PLOD2: variants seen among roughly 807,000 people sequenced by gnomAD.
PLOD2 encodes procollagen-lysine,2-oxoglutarate 5-dioxygenase 2, also known as lysine hydroxylase 2.
In PLOD2, 65 loss-of-function variants were observed where a neutral mutation model predicts 101.0. The observed-to-expected ratio is 0.64, with a 90% CI of 0.53 to 0.79. PLOD2 has a LOEUF of 0.79. Among genes scored for constraint, PLOD2 ranks in the 30% least tolerant of loss-of-function variants. The pLI, the probability that PLOD2 is intolerant of heterozygous loss-of-function variation, is 0.00. For synonymous variants in PLOD2, 314 were observed against 302.9 expected (o/e 1.04, Z -0.38); for missense variants, 909 against 914.6 (o/e 0.99, Z 0.08).
Position 146,096,891 on chromosome 3 carries a change from A to AGGGG in PLOD2, c.778-4991_778-4990insCCCC, listed in dbSNP as rs1203412498. Reference sequence around the variant, plus strand: ...GTCCGGGAGGGAGGTGGGGGGGGGGAGTCGGCCAGCCGCCCCGTCCAGGAG... The same window carrying AGGGG: ...GTCCGGGAGGGAGGTGGGGGGGGGGAGGGGGTCGGCCAGCCGCCCCGTCCAGGAG... On this transcript the variant is annotated intron_variant, in intron 7 of 19. Transcript: ENST00000282903. Among the ~76,000 whole-genome samples the AGGGG allele has an allele frequency of 5.4e-5, 4 of 74,546 alleles. 1 individual carries two copies. The highest frequency in any genetic ancestry group is 2.6e-5 in the Non-Finnish European group (1 of 39,198). The allele number at this position is 74,546 out of a possible 152,430, so 48.9% of individuals were successfully genotyped here. A position where few individuals can be genotyped will look rare whatever the true frequency, so the allele number is the denominator to read the frequency against.
At chr3:146,087,732 C>A (rs1040165655) in intron 9 of PLOD2, among the ~76,000 whole-genome samples, 4 of 151,694 alleles carry the variant, frequency 2.6e-5, no homozygotes, top group Non-Finnish European at 1.5e-5. Flanking sequence ...CCCATGAAAG[C>A]AGGGAAAATA....
intron 3 of PLOD2, among the ~76,000 whole-genome samples, chr3:146,119,484 C>T (rs1342142354): frequency 6.6e-6 from 1 of 151,920 alleles, no homozygotes; most frequent in Admixed American, 6.6e-5. Flanking sequence ...GGTACATGTG[C>T]ACAACGTGCA....
chr3:146,133,353 T>A lies in PLOD2; in HGVS notation c.110-9124A>T, dbSNP rs551368641. Among the ~76,000 whole-genome samples the A allele has an allele frequency of 2.6e-5, 4 of 152,088 alleles. No individual in the cohort carries two copies. The South Asian group carries it at 8.3e-4, about 32-fold the overall frequency. ...ATTTACATTCTCACAATCTCAAAAGTATCCATATACTTCAGAAAGTCATTA... is the reference window on the plus strand; with the variant it reads ...ATTTACATTCTCACAATCTCAAAAGAATCCATATACTTCAGAAAGTCATTA... On this transcript the variant is annotated intron_variant, in intron 1 of 19. Transcript: ENST00000282903.
At chr3:146,118,197 T>A (rs1175046754) in intron 3 of PLOD2, among the ~76,000 whole-genome samples, 1 of 152,122 alleles carries the variant, frequency 6.6e-6, no homozygotes, top group East Asian at 1.9e-4. Context: ...AACTTGGTAT[T>A]CTTTTTCTAA....
intron 1 of PLOD2, among the ~76,000 whole-genome samples, chr3:146,158,133 G>A (rs566400820): frequency 1.3e-5 from 2 of 152,174 alleles, no homozygotes; most frequent in East Asian, 3.9e-4. Context: ...CAAAGACTTG[G>A]CAGGAATACA....
chr3:146,121,860 T>G (rs2030176991), intron 2 of PLOD2, among the ~76,000 whole-genome samples: 2 of 152,218 alleles, frequency 1.3e-5, no homozygotes, highest in Non-Finnish European at 2.9e-5. Flanking sequence ...TTCTCTTCAC[T>G]ATTTGCTTGA....
At chr3:146,072,714 A>C (rs376002432) in intron 16 of PLOD2, 49 bp from the exon 17 acceptor site, 12 of 1,036,208 alleles carry the variant, frequency 1.2e-5, no homozygotes, top group Non-Finnish European at 1.7e-5. Flanking sequence ...TCTGTGTCTT[A>C]ATAGTCTAAA....
intron 1 of PLOD2, among the ~76,000 whole-genome samples, chr3:146,137,709 C>G (rs1456517228): frequency 3.9e-5 from 6 of 152,130 alleles, no homozygotes; most frequent in Non-Finnish European, 8.8e-5. Flanking sequence ...GTTTCTGATT[C>G]AGTTTGTATG....
intron 9 of PLOD2, among the ~76,000 whole-genome samples, chr3:146,088,227 C>A (rs1936852568): frequency 6.6e-6 from 1 of 151,524 alleles, no homozygotes; most frequent in Admixed American, 6.6e-5. Context: ...TGTCTTAAAT[C>A]ACAAACAATT....
chr3:146,096,014 G>A (rs1463739724), intron 7 of PLOD2, among the ~76,000 whole-genome samples: 14 of 145,670 alleles, frequency 9.6e-5, no homozygotes, highest in Non-Finnish European at 2.0e-4. Context: ...AGCCTGCCGA[G>A]TGCCTGCGAT....
chr3:146,079,139 G>C lies in PLOD2; in HGVS notation c.1477C>G (p.Leu493Val), dbSNP rs148173194. 6.2e-7 allele frequency: 1 copy of C among 1,612,868 alleles called. No homozygotes were observed. The highest frequency in any genetic ancestry group is 1.1e-5 in the South Asian group (1 of 91,064). The stretch of plus-strand genomic sequence containing the variant: ...ACCATTTCTCTAGCATTTCGGCAAA[G>C]AGCCATATCAGGATCCAGTTTATCA... ...VRDKLDPDMA[L>V]CRNAREMTLQ... is the part of the protein sequence containing the mutation. Residue 493 changes from leucine to valine, a missense_variant, in exon 13 of 20, where the codon CTT becomes GTT. Leu to Val is a conservative substitution (Grantham distance 32). Transcript: ENST00000282903.
At chr3:146,156,059 T>C (rs2032292167) in intron 1 of PLOD2, among the ~76,000 whole-genome samples, 2 of 152,212 alleles carry the variant, frequency 1.3e-5, no homozygotes, top group Non-Finnish European at 2.9e-5. Flanking sequence ...TTTTTGATCA[T>C]GAGAACACTA....
chr3:146,129,343 G>A (rs1477930199), intron 1 of PLOD2, among the ~76,000 whole-genome samples: 1 of 152,012 alleles, frequency 6.6e-6, no homozygotes, highest in Non-Finnish European at 1.5e-5. Flanking sequence ...AACATTTGTA[G>A]TTGTCTGGCT....
At chr3:146,120,981 A>G in intron 3 of PLOD2, 131 bp downstream of exon 3, 1 of 731,674 alleles carries the variant, frequency 1.4e-6, no homozygotes, top group Non-Finnish European at 2.4e-6. Flanking sequence ...TAGGCCTCCC[A>G]AAGTGCTAGG....
At chr3:146,138,574 C>T (rs2031362396) in intron 1 of PLOD2, among the ~76,000 whole-genome samples, 1 of 151,900 alleles carries the variant, frequency 6.6e-6, no homozygotes, top group Non-Finnish European at 1.5e-5. Flanking sequence ...GGGTTCAGGC[C>T]TCATACATTG....
At chr3:146,123,724 T>C (rs1046269603) in intron 2 of PLOD2, among the ~76,000 whole-genome samples, 1 of 149,358 alleles carries the variant, frequency 6.7e-6, no homozygotes, top group East Asian at 2.0e-4. Flanking sequence ...AAAGAAATTA[T>C]ATATATATAT....
chr3:146,113,400 G>A (rs1483289930), intron 3 of PLOD2, among the ~76,000 whole-genome samples: 1 of 152,170 alleles, frequency 6.6e-6, no homozygotes, highest in Non-Finnish European at 1.5e-5. Flanking sequence ...AAGTCAAATT[G>A]TCAAATTTAA....
chr3:146,093,034 T>TA (rs916241687), intron 7 of PLOD2, among the ~76,000 whole-genome samples: 1 of 152,264 alleles, frequency 6.6e-6, no homozygotes, highest in Non-Finnish European at 1.5e-5. Context: ...AAGTCCATGT[T>TA]AAACATGGGG....
intron 15 of PLOD2, among the ~76,000 whole-genome samples, chr3:146,075,116 G>A (rs1479666682): frequency 2.0e-5 from 3 of 151,462 alleles, no homozygotes; most frequent in South Asian, 2.1e-4. Flanking sequence ...CTACCCTCAC[G>A]ACTAGAAAAC....
Sources: gnomAD v4.1 joint callset for allele counts (sites outside exome capture counted in the v4.1 genomes callset) on GRCh38, gnomAD v4.1.1 for gene constraint, MANE v1.5 for transcripts, NCBI Gene and HGNC (gene_info 2026-07-23, HGNC 2026-07-21) for gene names.